ZPBP: variants seen among roughly 807,000 people sequenced by gnomAD.
ZPBP encodes the protein zona pellucida-binding protein 1.
Under a neutral mutation model 44.8 loss-of-function variants are expected in ZPBP, and 26 were observed. That is an observed-to-expected ratio of 0.58 (90% confidence interval 0.43 to 0.81). ZPBP has a LOEUF of 0.81. Ranked by LOEUF, ZPBP falls within the 30% of genes least tolerant of loss-of-function variation. The pLI is 0.00. For missense variants in ZPBP, 409 were observed against 434.0 expected, an observed-to-expected ratio of 0.94 and a Z score of 0.51; for synonymous variants, 174 against 153.2, an observed-to-expected ratio of 1.14 and a Z score of -1.00.
chr7:49,982,196 A>G (rs1380475232), intron 7 of ZPBP, among the ~76,000 whole-genome samples: 1 of 39,008 alleles, frequency 2.6e-5, no homozygotes, highest in Non-Finnish European at 4.4e-5. Context: ...TATTATATAT[A>G]TTTATTATAT....
intron 5 of ZPBP, among the ~76,000 whole-genome samples, chr7:50,025,418 A>C (rs1799277669): frequency 6.6e-6 from 1 of 151,954 alleles, no homozygotes; most frequent in South Asian, 2.1e-4. Context: ...ATAGTATAGT[A>C]CTGATGAAAG....
chr7:49,893,545 C>T (rs1326949303), intron 2 of ZPBP, among the ~76,000 whole-genome samples: 2 of 152,052 alleles, frequency 1.3e-5, no homozygotes, highest in African/African-American at 4.8e-5. Flanking sequence ...GGAAAACACA[C>T]ATGTCCACAT....
At chr7:49,845,820 A>C (rs758778795), downstream of ZPBP, among the ~76,000 whole-genome samples, 5 of 152,196 alleles carry the variant, frequency 3.3e-5, no homozygotes, top group Non-Finnish European at 5.9e-5. Flanking sequence ...GTGATGTGGG[A>C]GTGGCAAACA....
intron 6 of ZPBP, among the ~76,000 whole-genome samples, chr7:50,005,740 A>G (rs1798277685): frequency 6.6e-6 from 1 of 151,810 alleles, no homozygotes; most frequent in Non-Finnish European, 1.5e-5. Flanking sequence ...TAAGACGTAC[A>G]AAAAACCCCA....
At chr7:49,874,524 T>C (rs767510486) in intron 2 of ZPBP, among the ~76,000 whole-genome samples, 6 of 150,942 alleles carry the variant, frequency 4.0e-5, no homozygotes, top group Non-Finnish European at 8.8e-5. Context: ...TGTATCCTCG[T>C]TGTTACATGA....
chr7:50,003,063 G>A, intron 6 of ZPBP, among the ~76,000 whole-genome samples: 1 of 152,064 alleles, frequency 6.6e-6, no homozygotes, highest in Non-Finnish European at 1.5e-5. Context: ...TACTTGTTTT[G>A]GAGGAAAAAC....
chr7:50,039,782 T>C (rs1799981531), intron 4 of ZPBP, among the ~76,000 whole-genome samples: 1 of 152,142 alleles, frequency 6.6e-6, no homozygotes, highest in South Asian at 2.1e-4. Flanking sequence ...CAAAATTACG[T>C]AAAATAATAA....
At chr7:50,050,788 CAAAAAAAAAAAA>C (rs751875216) in intron 4 of ZPBP, among the ~76,000 whole-genome samples, 5 of 26,846 alleles carry the variant, frequency 1.9e-4, no homozygotes, top group Non-Finnish European at 2.7e-4. Context: ...GACTCCGTCT[CAAAAAAAAAAAA>C]AAAAAAAAAA....
chr7:49,939,585 T>C (rs1448831703), intron 7 of ZPBP, among the ~76,000 whole-genome samples: 1 of 151,538 alleles, frequency 6.6e-6, no homozygotes, highest in Non-Finnish European at 1.5e-5. Flanking sequence ...CATGATAAAG[T>C]ACAAAAAAAA....
intron 2 of ZPBP, among the ~76,000 whole-genome samples, chr7:49,892,232 G>A (rs943968949): frequency 1.3e-5 from 2 of 151,450 alleles, no homozygotes; most frequent in African/African-American, 4.9e-5. Context: ...ATTTTTAGTA[G>A]AGACGGGGTT....
chr7:49,990,315 G>T (rs1797506286), intron 6 of ZPBP, among the ~76,000 whole-genome samples: 1 of 152,084 alleles, frequency 6.6e-6, no homozygotes, highest in African/African-American at 2.4e-5. Context: ...CACCCCCTTG[G>T]GCACCCCATT....
intron 7 of ZPBP, among the ~76,000 whole-genome samples, chr7:49,982,844 T>C (rs904243895): frequency 1.3e-5 from 2 of 151,910 alleles, no homozygotes; most frequent in African/African-American, 4.8e-5. Flanking sequence ...CTCTCTTCTA[T>C]AGTAAAGATG....
intron 5 of ZPBP, among the ~76,000 whole-genome samples, chr7:50,023,155 T>A (rs2128808070): frequency 6.6e-6 from 1 of 152,170 alleles, no homozygotes; most frequent in Middle Eastern, 3.4e-3. Flanking sequence ...AGAGTCTCAA[T>A]GACCTGGCGG....
chr7:50,072,904 A>G (rs1801916952), intron 3 of ZPBP, among the ~76,000 whole-genome samples: 1 of 152,152 alleles, frequency 6.6e-6, no homozygotes, highest in Admixed American at 6.5e-5. Flanking sequence ...ACAACACCCA[A>G]GGGCTTTCAA....
intron 7 of ZPBP, among the ~76,000 whole-genome samples, chr7:49,968,514 T>C (rs904741917): frequency 5.5e-4 from 83 of 151,998 alleles, no homozygotes; most frequent in African/African-American, 2.0e-3. Context: ...TCAAGACATA[T>C]GGAGCTGATT....
At chr7:50,033,678 GTTTA>G (rs56856262) in intron 4 of ZPBP, among the ~76,000 whole-genome samples, 16 of 148,822 alleles carry the variant, frequency 1.1e-4, no homozygotes, top group African/African-American at 2.5e-4. Flanking sequence ...TCTTTCTACA[GTTTA>G]TTTATTTATT....
chr7:49,856,792 G>A (rs940927609), intron 2 of ZPBP, among the ~76,000 whole-genome samples: 3 of 152,012 alleles, frequency 2.0e-5, no homozygotes, highest in African/African-American at 4.8e-5. Context: ...GGCGGATCAC[G>A]AGGTCAGGAG....
chr7:49,996,628 G>A (rs1355008825), intron 6 of ZPBP, among the ~76,000 whole-genome samples: 1 of 152,180 alleles, frequency 6.6e-6, no homozygotes, highest in African/African-American at 2.4e-5. Flanking sequence ...CCAATTCAAG[G>A]TGGTCTGAGT....
intron 7 of ZPBP, among the ~76,000 whole-genome samples, chr7:49,946,322 C>T (rs561633544): frequency 2.6e-5 from 4 of 152,030 alleles, no homozygotes; most frequent in Admixed American, 6.6e-5. Flanking sequence ...TGTTCATTAA[C>T]ATCCCTTTCC....
Sources: allele counts gnomAD v4.1 joint callset (sites outside exome capture counted in the v4.1 genomes callset), GRCh38; gene constraint gnomAD v4.1.1; transcripts MANE v1.5; gene names NCBI Gene and HGNC (gene_info 2026-07-23, HGNC 2026-07-21).